Variants in MMP16 observed in about 807,000 individuals in gnomAD.
MMP16 encodes matrix metallopeptidase 16.
In MMP16, 12 loss-of-function variants were observed where a neutral mutation model predicts 67.8. That is an observed-to-expected ratio of 0.18 (90% CI 0.11 to 0.29). MMP16 has a LOEUF of 0.29. Among genes scored for constraint, MMP16 ranks in the 10% least tolerant of loss-of-function variants. The pLI is 1.00. For missense variants in MMP16, 475 were observed against 765.7 expected (o/e 0.62, Z 4.48); for synonymous variants, 249 against 255.9 (o/e 0.97, Z 0.26).
chr8:88,128,379 T>C (rs1807971332), intron 4 of MMP16, among the ~76,000 whole-genome samples: 1 of 151,850 alleles, frequency 6.6e-6, no homozygotes, highest in Non-Finnish European at 1.5e-5. Context: ...GAATTTAAGA[T>C]GCATTTGGTA....
At chr8:88,192,177 CAT>C (rs1158530684) in intron 2 of MMP16, among the ~76,000 whole-genome samples, 3 of 152,112 alleles carry the variant, frequency 2.0e-5, no homozygotes, top group African/African-American at 7.2e-5. Context: ...TATTTGTATT[CAT>C]AGAGTCAAGT....
chr8:88,220,612 C>A (rs1809667281), intron 1 of MMP16, among the ~76,000 whole-genome samples: 1 of 152,004 alleles, frequency 6.6e-6, no homozygotes, highest in South Asian at 2.1e-4. Flanking sequence ...ATAATCATTG[C>A]CTAGGCACAT....
intron 2 of MMP16, among the ~76,000 whole-genome samples, chr8:88,188,971 T>A (rs1046128967): frequency 6.6e-6 from 1 of 152,142 alleles, no homozygotes; most frequent in East Asian, 1.9e-4. Flanking sequence ...ACAGATATTT[T>A]AGGGAGGAAT....
chr8:88,233,398 A>C (rs1241974085), intron 1 of MMP16, among the ~76,000 whole-genome samples: 1 of 152,106 alleles, frequency 6.6e-6, no homozygotes, highest in Non-Finnish European at 1.5e-5. Context: ...CCCTTCTCAG[A>C]ATACTCACCA....
intron 1 of MMP16, among the ~76,000 whole-genome samples, chr8:88,230,591 C>T (rs1183537604): frequency 1.3e-5 from 2 of 149,782 alleles, no homozygotes; most frequent in African/African-American, 4.9e-5. Flanking sequence ...AAAAATAAGT[C>T]TCCCCATACT....
chr8:88,076,974 C>T (rs1046975827), intron 6 of MMP16, among the ~76,000 whole-genome samples: 1 of 152,142 alleles, frequency 6.6e-6, no homozygotes, highest in African/African-American at 2.4e-5. Context: ...TGGAGCCGGG[C>T]CAGTGGCTTT....
At chr8:88,064,770 G>A (rs151252648) in intron 7 of MMP16, among the ~76,000 whole-genome samples, 75 of 152,188 alleles carry the variant, frequency 4.9e-4, no homozygotes, top group African/African-American at 1.5e-3. Flanking sequence ...TAGATAGGTT[G>A]CTCAGGAAAC....
chr8:88,314,943 C>G (rs1489535384), intron 1 of MMP16, among the ~76,000 whole-genome samples: 2 of 152,174 alleles, frequency 1.3e-5, no homozygotes, highest in Non-Finnish European at 2.9e-5. Context: ...CCAGCTCAAC[C>G]TGAGTTCCAC....
intron 1 of MMP16, among the ~76,000 whole-genome samples, chr8:88,298,280 T>G (rs772431437): frequency 6.6e-6 from 1 of 152,146 alleles, no homozygotes; most frequent in Non-Finnish European, 1.5e-5. Flanking sequence ...GTTAGGATAG[T>G]GTAAGAAGGC....
intron 1 of MMP16, among the ~76,000 whole-genome samples, chr8:88,255,387 T>G (rs555946760): frequency 9.2e-5 from 14 of 152,280 alleles, no homozygotes; most frequent in African/African-American, 3.1e-4. Flanking sequence ...TGCAGAACCA[T>G]GAGCCAAAAT....
At chr8:88,315,018 GCATTTGTTTCC>G (rs1465776406) in intron 1 of MMP16, among the ~76,000 whole-genome samples, 3 of 152,168 alleles carry the variant, frequency 2.0e-5, no homozygotes, top group Non-Finnish European at 2.9e-5. Flanking sequence ...AAGGTTCACT[GCATTTGTTTCC>G]CATCTCTCAG....
chr8:88,133,829 A>G (rs951017848), intron 4 of MMP16, among the ~76,000 whole-genome samples: 1 of 151,820 alleles, frequency 6.6e-6, no homozygotes, highest in African/African-American at 2.4e-5. Context: ...ATCATCTAAC[A>G]TATTAATTAT....
At chr8:88,106,207 T>C (rs1243760258) in intron 6 of MMP16, among the ~76,000 whole-genome samples, 1 of 151,176 alleles carries the variant, frequency 6.6e-6, no homozygotes, top group Non-Finnish European at 1.5e-5. Context: ...GGATAATTTG[T>C]ATCTGGGTAT....
intron 1 of MMP16, among the ~76,000 whole-genome samples, chr8:88,281,837 C>T (rs1228083599): frequency 6.6e-6 from 1 of 152,142 alleles, no homozygotes; most frequent in Non-Finnish European, 1.5e-5. Context: ...TCTATTCATT[C>T]TACTGGAAAT....
chr8:88,177,520 G>A (rs1256390216), intron 3 of MMP16, among the ~76,000 whole-genome samples: 1 of 152,110 alleles, frequency 6.6e-6, no homozygotes, highest in Non-Finnish European at 1.5e-5. Flanking sequence ...TACACTTTAC[G>A]TGTTTTACCC....
In MMP16 at chr8:88,135,132, T is replaced by C. The variant is rs188798808; in HGVS notation, c.710-16271A>G. ...CCTTTACAAGTTCCTAATCAAAGTT[T>C]ATTTCAGCCAAACTTAATTCTACTA... On this transcript the variant is annotated intron_variant, in intron 4 of 9. Coordinates refer to ENST00000286614, the MANE Select transcript of MMP16 (RefSeq NM_005941.5). Among the ~76,000 whole-genome samples, 449 of 151,880 alleles carry C rather than the reference T, an allele frequency of 3.0e-3. 4 individuals are homozygous for C. The highest frequency in any genetic ancestry group is 2.0e-3 in the Non-Finnish European group (138 of 67,820).
At chr8:88,071,863 A>G (rs543140794) in intron 7 of MMP16, among the ~76,000 whole-genome samples, 1 of 152,310 alleles carries the variant, frequency 6.6e-6, no homozygotes, top group African/African-American at 2.4e-5. Context: ...GGTATATAAT[A>G]GAGACCATAT....
chr8:88,206,385 G>C (rs1000171733), intron 1 of MMP16, among the ~76,000 whole-genome samples: 1 of 152,142 alleles, frequency 6.6e-6, no homozygotes, highest in Non-Finnish European at 1.5e-5. Context: ...TGTGGAGATT[G>C]CATGTTCTCC....
At chr8:88,246,517 A>G (rs1810114909) in intron 1 of MMP16, among the ~76,000 whole-genome samples, 1 of 152,198 alleles carries the variant, frequency 6.6e-6, no homozygotes, top group Non-Finnish European at 1.5e-5. Flanking sequence ...GTTTAGTGGG[A>G]TATCATCTGT....
Sources: gnomAD v4.1 joint callset for allele counts (sites outside exome capture counted in the v4.1 genomes callset) on GRCh38, gnomAD v4.1.1 for gene constraint, MANE v1.5 for transcripts, NCBI Gene and HGNC (gene_info 2026-07-23, HGNC 2026-07-21) for gene names.